The following SLIT3 variants were observed in gnomAD, a reference collection of about 807,000 sequenced individuals.
SLIT3 encodes the protein slit homolog 3 protein.
SLIT3 carries 68 observed loss-of-function variants against 184.0 expected under a neutral mutation model. The observed-to-expected ratio is 0.37, with a 90% CI of 0.30 to 0.45. The LOEUF (loss-of-function observed/expected upper bound fraction) is 0.45. SLIT3 is among the 20% of genes least tolerant of loss of function. SLIT3 has a pLI of 1.00. For missense variants in SLIT3, 1,707 were observed against 2,026.0 expected (o/e 0.84, Z 3.02); for synonymous variants, 831 against 828.6 (o/e 1.00, Z -0.05).
intron 4 of SLIT3, among the ~76,000 whole-genome samples, chr5:168,948,380 G>A (rs536872306): frequency 2.0e-5 from 3 of 152,288 alleles, no homozygotes; most frequent in South Asian, 2.1e-4. Flanking sequence ...GCAGGGTTTA[G>A]GTGTCATGTG....
At chr5:168,998,893 C>CTGTGTGTGTGTGTGTGTGTGTGTGTGTG (rs71575505) in intron 4 of SLIT3, among the ~76,000 whole-genome samples, 2 of 143,190 alleles carry the variant, frequency 1.4e-5, no homozygotes, top group African/African-American at 5.2e-5. Context: ...ACCCAGAAAT[C>CTGTGTGTGTGTGTGTGTGTGTGTGTGTG]TGTGTGTGTG....
chr5:169,275,348 T>C (rs1435927217), intron 1 of SLIT3, among the ~76,000 whole-genome samples: 1 of 152,184 alleles, frequency 6.6e-6, no homozygotes, highest in East Asian at 1.9e-4. Context: ...CTAAAACCCA[T>C]AGCCTTTCTA....
chr5:169,289,462 G>A (rs2113657148), intron 1 of SLIT3, among the ~76,000 whole-genome samples: 1 of 152,362 alleles, frequency 6.6e-6, no homozygotes, highest in South Asian at 2.1e-4. Context: ...GAGTTCAGGA[G>A]TATGTCTAAG....
chr5:169,194,078 C>CAAA (rs1218360772), intron 3 of SLIT3, among the ~76,000 whole-genome samples: 5 of 151,350 alleles, frequency 3.3e-5, no homozygotes, highest in Non-Finnish European at 7.4e-5. Flanking sequence ...AATAAAAATA[C>CAAA]AAAAAAATTA....
intron 4 of SLIT3, among the ~76,000 whole-genome samples, chr5:169,070,032 G>A (rs1486652387): frequency 1.3e-5 from 2 of 152,226 alleles, no homozygotes; most frequent in African/African-American, 4.8e-5. Flanking sequence ...CAAGGTGACA[G>A]CAGTGGGAAG....
intron 4 of SLIT3, among the ~76,000 whole-genome samples, chr5:168,962,793 A>G (rs1022312945): frequency 1.3e-5 from 2 of 152,098 alleles, no homozygotes; most frequent in Non-Finnish European, 2.9e-5. Context: ...TAGACTCACT[A>G]AGCACTTTCC....
Position 169,014,554 on chromosome 5 carries a change from C to T in SLIT3, c.414-131218G>A, listed in dbSNP as rs560631555. ...CCACACAGACACACACACTTTCCTT[C>T]GCTCCTCTGAGCTGGAAAACAGTGC... On this transcript the variant is annotated intron_variant, in intron 4 of 35. Transcript: ENST00000519560. Among the ~76,000 whole-genome samples, 447 of 152,302 alleles carry T rather than the reference C, an allele frequency of 2.9e-3. 2 individuals carry two copies. Among genetic ancestry groups the T allele is most frequent in the African/African-American group, 0.01 (424 of 41,548 alleles).
chr5:168,947,352 C>T (rs2113226784), intron 4 of SLIT3, among the ~76,000 whole-genome samples: 1 of 152,288 alleles, frequency 6.6e-6, no homozygotes, highest in South Asian at 2.1e-4. Flanking sequence ...TGGGATGTTC[C>T]CTGGGTCCCT....
At chr5:168,723,198 TC>T (rs1002303297) in intron 21 of SLIT3, among the ~76,000 whole-genome samples, 194 bp from the exon 22 acceptor site, 18 of 151,878 alleles carry the variant, frequency 1.2e-4, no homozygotes, top group Admixed American at 3.3e-4. Context: ...TGCTCACCCA[TC>T]CGCTTTCCCA....
intron 5 of SLIT3, among the ~76,000 whole-genome samples, chr5:168,857,202 C>A (rs917113269): frequency 6.6e-6 from 1 of 152,134 alleles, no homozygotes; most frequent in Non-Finnish European, 1.5e-5. Context: ...GCTACTTCTA[C>A]TTAATTGGCT....
chr5:169,009,395 A>G (rs62379468), intron 4 of SLIT3, among the ~76,000 whole-genome samples: 36,060 of 152,138 alleles, frequency 0.24, 4,790 homozygotes, highest in East Asian at 0.51. Context: ...TGTCACATGT[A>G]GGAGTCTGTT....
chr5:169,222,934 GACAGATGGCCAAA>G (rs1213166714), intron 3 of SLIT3, among the ~76,000 whole-genome samples: 1 of 152,166 alleles, frequency 6.6e-6, no homozygotes, highest in African/African-American at 2.4e-5. Context: ...TCAACAAGGA[GACAGATGGCCAAA>G]ACCGAATGGG....
intron 4 of SLIT3, among the ~76,000 whole-genome samples, chr5:169,169,164 T>A (rs990910020): frequency 3.3e-5 from 5 of 152,086 alleles, no homozygotes; most frequent in Non-Finnish European, 7.4e-5. Context: ...TCCATGGGAG[T>A]GACAGCACCT....
intron 4 of SLIT3, among the ~76,000 whole-genome samples, chr5:169,067,474 G>A (rs1383171796): frequency 2.0e-5 from 3 of 152,120 alleles, no homozygotes; most frequent in African/African-American, 7.2e-5. Context: ...GTGGTTCCTG[G>A]GACAATCCAT....
intron 27 of SLIT3, among the ~76,000 whole-genome samples, chr5:168,698,669 G>C (rs1266444546): frequency 1.3e-5 from 2 of 152,054 alleles, no homozygotes; most frequent in Non-Finnish European, 2.9e-5. Context: ...TGGAAGAGGG[G>C]AGCAAAGGGG....
intron 11 of SLIT3, 60 bp downstream of exon 11, chr5:168,789,500 T>C (rs1319833541): frequency 1.5e-6 from 2 of 1,322,176 alleles, no homozygotes; most frequent in African/African-American, 2.9e-5. Flanking sequence ...TGGTTGCGTC[T>C]CTCTTCCCTC....
rs141548648 is a variant in SLIT3 at position 168,886,589 on chromosome 5, A to C, written c.414-3253T>G. Among the ~76,000 whole-genome samples the C allele has an allele frequency of 7.4e-3, 1,128 of 152,274 alleles. 18 individuals are homozygous for C. Among genetic ancestry groups the C allele is most frequent in the African/African-American group, 0.026 (1,060 of 41,548 alleles). ...CGAGGGAAGCAGCTCAGGGCTGAGGAGGGCAGACATGCTCAGAAGTGACCT... is the reference window on the plus strand; with the variant it reads ...CGAGGGAAGCAGCTCAGGGCTGAGGCGGGCAGACATGCTCAGAAGTGACCT... On this transcript the variant is annotated intron_variant, in intron 4 of 35. Transcript: ENST00000519560.
rs546007162 is a variant in SLIT3 at position 168,887,111 on chromosome 5, GA to G, written c.414-3776del. 3.7e-4 allele frequency among the ~76,000 whole-genome samples: 57 copies of G among 152,168 alleles called. No individual in the cohort carries two copies. The East Asian group carries it at 0.01, about 27-fold the overall frequency. On this transcript the variant is annotated intron_variant, in intron 4 of 35. Transcript: ENST00000519560. ...GCTGTCTAGTTCCAGTGGAGCTTTTGAAATGCTTCCTGGGGCTCTCCCTGCA... is the reference window on the plus strand; with the variant it reads ...GCTGTCTAGTTCCAGTGGAGCTTTTGAATGCTTCCTGGGGCTCTCCCTGCA...
intron 2 of SLIT3, among the ~76,000 whole-genome samples, chr5:169,249,074 A>G (rs1013155225): frequency 1.3e-5 from 2 of 152,228 alleles, no homozygotes; most frequent in African/African-American, 4.8e-5. Context: ...AGGTGTGAAA[A>G]AAATCTTTTT....
Sources: allele counts gnomAD v4.1 joint callset (sites outside exome capture counted in the v4.1 genomes callset), GRCh38; gene constraint gnomAD v4.1.1; transcripts MANE v1.5; gene names NCBI Gene and HGNC (gene_info 2026-07-23, HGNC 2026-07-21).